ASAP2: variants seen among roughly 807,000 people sequenced by gnomAD.
ASAP2 encodes the protein arf-GAP with SH3 domain, ANK repeat and PH domain-containing protein 2.
ASAP2 carries 45 observed loss-of-function variants against 131.4 expected under a neutral mutation model. The observed-to-expected ratio is 0.34, with a 90% confidence interval of 0.27 to 0.44. The LOEUF is 0.44. Ranked by LOEUF, ASAP2 falls within the 20% of genes least tolerant of loss-of-function variation. The pLI is 1.00. For missense variants in ASAP2, 1,011 were observed against 1,297.0 expected (o/e 0.78, Z 3.39); for synonymous variants, 510 against 503.0 (o/e 1.01, Z -0.19).
chr2:9,351,692 A>G (rs549853866), intron 12 of ASAP2, among the ~76,000 whole-genome samples: 1 of 152,268 alleles, frequency 6.6e-6, no homozygotes, highest in East Asian at 1.9e-4. Context: ...GGAGATGGCT[A>G]CCTTTTCAAA....
chr2:9,254,119 T>C (rs150771036), intron 1 of ASAP2, among the ~76,000 whole-genome samples: 2,574 of 142,804 alleles, frequency 0.018, 38 homozygotes, highest in Middle Eastern at 0.048. Context: ...GGCAGGAGAA[T>C]TGCTTGAAGC....
intron 15 of ASAP2, among the ~76,000 whole-genome samples, chr2:9,361,806 C>T (rs1386960532): frequency 6.6e-6 from 1 of 152,174 alleles, no homozygotes; most frequent in Admixed American, 6.5e-5. Flanking sequence ...CCCAAGTGAT[C>T]CTCCTGCTTT....
intron 1 of ASAP2, among the ~76,000 whole-genome samples, chr2:9,238,154 C>T (rs1663685093): frequency 6.6e-6 from 1 of 152,212 alleles, no homozygotes; most frequent in Non-Finnish European, 1.5e-5. Context: ...TACTGATCTT[C>T]ACACGGATGA....
intron 1 of ASAP2, among the ~76,000 whole-genome samples, chr2:9,208,430 A>G (rs920603617): frequency 2.3e-4 from 29 of 125,598 alleles, no homozygotes; most frequent in African/African-American, 8.9e-4. Flanking sequence ...TTTTTTTCCC[A>G]TTTGAACAAA....
At chr2:9,272,991 G>C (rs1666507673) in intron 1 of ASAP2, among the ~76,000 whole-genome samples, 1 of 152,090 alleles carries the variant, frequency 6.6e-6, no homozygotes, top group Non-Finnish European at 1.5e-5. Context: ...GGTTCCTCCA[G>C]TTTTGTTCTT....
chr2:9,243,704 A>G (rs1255195107), intron 1 of ASAP2, among the ~76,000 whole-genome samples: 2 of 152,210 alleles, frequency 1.3e-5, no homozygotes, highest in African/African-American at 2.4e-5. Flanking sequence ...GAATGCATGT[A>G]TAACCAGGGC....
At chr2:9,276,661 C>T (rs1244611147) in intron 1 of ASAP2, among the ~76,000 whole-genome samples, 2 of 152,114 alleles carry the variant, frequency 1.3e-5, no homozygotes, top group African/African-American at 4.8e-5. Flanking sequence ...CCTCAGCCTC[C>T]TGAGTAGCTG....
intron 1 of ASAP2, among the ~76,000 whole-genome samples, chr2:9,254,254 T>TATATATATATATATACATATACAC: frequency 1.5e-5 from 1 of 65,746 alleles, no homozygotes; most frequent in East Asian, 2.6e-4. Context: ...TATATATATA[T>TATATATATATATATACATATACAC]ACACGTGTGT....
intron 3 of ASAP2, among the ~76,000 whole-genome samples, chr2:9,299,048 T>C (rs1388338195): frequency 2.0e-4 from 31 of 151,696 alleles, no homozygotes. Flanking sequence ...AAGTGGGAAA[T>C]AGATAAAAGA....
rs117220472 is a variant in ASAP2 at position 9,377,535 on chromosome 2, C to T, written c.1832+542C>T. Among the ~76,000 whole-genome samples the T allele has an allele frequency of 1.3e-4, 20 of 152,232 alleles. No homozygotes were observed. In the East Asian group the frequency reaches 3.1e-3, roughly 24 times the overall value. On this transcript the variant is annotated intron_variant, in intron 18 of 27. Coordinates refer to ENST00000281419, the MANE Select transcript of ASAP2 (RefSeq NM_003887.3). ...AGTTTACCACAGATCTGGGAGTCCC[C>T]GTGGTTTGGGGCATATTGCTTCAGT...
At chr2:9,250,789 A>G (rs1357892587) in intron 1 of ASAP2, among the ~76,000 whole-genome samples, 2 of 152,198 alleles carry the variant, frequency 1.3e-5, no homozygotes, top group South Asian at 2.1e-4. Flanking sequence ...GAATTAAGCT[A>G]TACCTGCGGG....
chr2:9,258,794 CTT>C (rs914885522), intron 1 of ASAP2, among the ~76,000 whole-genome samples: 20 of 152,204 alleles, frequency 1.3e-4, no homozygotes. Context: ...ATGATCTTCA[CTT>C]TTACTTATTT....
rs544599145 is a variant in ASAP2, at chr2:9,342,932, C to T, written c.850-1600C>T. 1.1e-4 allele frequency among the ~76,000 whole-genome samples: 16 copies of T among 152,340 alleles called. No homozygotes were observed. In the East Asian group the frequency reaches 1.4e-3, roughly 13 times the overall value. On this transcript the variant is annotated intron_variant, in intron 9 of 27. Transcript: ENST00000281419. Reference sequence around the variant, plus strand: ...AGTTCTTGCCTTCATGTTTAAAACTCGCTTTTTCCTGTGCTTTTCTCCCTT... The same window carrying T: ...AGTTCTTGCCTTCATGTTTAAAACTTGCTTTTTCCTGTGCTTTTCTCCCTT...
chr2:9,387,195 C>A (rs112395514), intron 21 of ASAP2, among the ~76,000 whole-genome samples: 9,964 of 137,178 alleles, frequency 0.073, 1,007 homozygotes, highest in African/African-American at 0.23. Flanking sequence ...GCCTGGGCAA[C>A]AGAGAGAGAC....
Position 9,320,273 on chromosome 2 carries a change from A to G in ASAP2, c.421-15A>G. On this transcript the variant is annotated splice_polypyrimidine_tract_variant and intron_variant, in intron 4 of 27. Transcript: ENST00000281419. ...AATGATTAGTCTTGCCTAATTTATT[A>G]TTCTTTGTTTACAGGATCTGAAAAA... The G allele has an allele frequency of 3.1e-6, 5 of 1,604,616 alleles. No individual in the cohort carries two copies. Among genetic ancestry groups the G allele is most frequent in the Non-Finnish European group, 4.3e-6 (5 of 1,172,650 alleles).
At chr2:9,284,452 G>A (rs1292264081) in intron 2 of ASAP2, among the ~76,000 whole-genome samples, 5 of 152,164 alleles carry the variant, frequency 3.3e-5, no homozygotes, top group African/African-American at 1.2e-4. Context: ...TAAAGAAGAC[G>A]TAGGTATTAG....
At position 9,217,582 on chromosome 2, in the gene ASAP2, G is replaced by T. The variant is rs1393805756; in HGVS notation, c.126+10352G>T. On this transcript the variant is annotated intron_variant, in intron 1 of 27. Transcript: ENST00000281419. This position sits in a 1 kb window ranked among gnomAD's most constrained non-coding sequence, Gnocchi z 4.0. ...GACCTCTTTCCCCAGCTTCTCAGAA[G>T]AAATCATGTTCTTCTTAGAGGTATG... Among the ~76,000 whole-genome samples, 2 of 151,978 alleles carry T rather than the reference G, an allele frequency of 1.3e-5. No homozygotes were observed. The highest frequency in any genetic ancestry group is 2.4e-5 in the African/African-American group (1 of 41,346).
At chr2:9,390,965 G>T in intron 22 of ASAP2, 97 bp from the exon 23 acceptor site, 2 of 1,580,378 alleles carry the variant, frequency 1.3e-6, no homozygotes, top group Non-Finnish European at 1.7e-6. Context: ...TTTCATAAGG[G>T]GGAGGATCAA....
intron 3 of ASAP2, among the ~76,000 whole-genome samples, chr2:9,316,955 T>A (rs1474557818): frequency 2.1e-5 from 1 of 48,396 alleles, no homozygotes; most frequent in African/African-American, 9.0e-5. Flanking sequence ...TCTCACACCC[T>A]CCCACACACC....
Sources: allele counts gnomAD v4.1 joint callset (sites outside exome capture counted in the v4.1 genomes callset), GRCh38; gene constraint gnomAD v4.1.1; non-coding constraint Gnocchi (gnomAD v3.1); transcripts MANE v1.5; gene names NCBI Gene and HGNC (gene_info 2026-07-23, HGNC 2026-07-21).